The following MICU3 variants were observed in gnomAD, a reference collection of about 807,000 sequenced individuals.
MICU3 encodes mitochondrial calcium uptake 3.
MICU3 carries 62 observed loss-of-function variants against 66.5 expected under a neutral mutation model. The ratio of observed to expected loss-of-function variants is 0.93; its 90% CI spans 0.76 to 1.15. The LOEUF (loss-of-function observed/expected upper bound fraction) is 1.15, where lower values mean the gene tolerates loss of function less well. Among genes scored for constraint, MICU3 ranks in the 50% most tolerant of loss-of-function variants. The pLI is 0.00. For synonymous variants in MICU3, 308 were observed against 240.7 expected (o/e 1.28, Z -2.59); for missense variants, 779 against 664.4 (o/e 1.17, Z -1.90).
intron 1 of MICU3, among the ~76,000 whole-genome samples, chr8:17,033,104 C>T (rs1261426665): frequency 1.3e-5 from 2 of 152,148 alleles, no homozygotes; most frequent in African/African-American, 4.8e-5. Flanking sequence ...GTTACTAATC[C>T]TAGAATGGCC....
At chr8:17,046,382 T>G (rs576829986) in intron 1 of MICU3, among the ~76,000 whole-genome samples, 62 of 152,308 alleles carry the variant, frequency 4.1e-4, no homozygotes, top group South Asian at 3.9e-3. Flanking sequence ...GATTGTTGTG[T>G]TGGTCTGAGA....
rs747979584 is a variant in MICU3 at position 17,085,229 on chromosome 8, C to T, written c.695-7C>T. ...TTTGTGAATACCTTCTCTGTTTTTT[C>T]TGGCAGAGCCACATGCAGGGTTCAG... On this transcript the variant is annotated splice_region_variant and splice_polypyrimidine_tract_variant and intron_variant, in intron 5 of 14. Coordinates refer to ENST00000318063, the MANE Select transcript of MICU3 (RefSeq NM_181723.3). 1 of 1,586,842 alleles carries T rather than the reference C, an allele frequency of 6.3e-7. No individual in the cohort carries two copies. Among genetic ancestry groups the T allele is most frequent in the African/African-American group, 1.4e-5 (1 of 73,696 alleles).
At position 17,081,819 on chromosome 8, in the gene MICU3, C is replaced by T. The variant is rs778755220; in HGVS notation, c.694+79C>T. On this transcript the variant is annotated intron_variant, in intron 5 of 14. Coordinates refer to ENST00000318063, the MANE Select transcript of MICU3 (RefSeq NM_181723.3). ...TCTTGGAAAGCAGATCTTAGGTTCT[C>T]TTACTCTTGAAAATCAATATCCATG... 4.4e-6 allele frequency: 3 copies of T among 674,874 alleles called. No individual in the cohort carries two copies. In the African/African-American group the frequency reaches 5.5e-5, roughly 12 times the overall value. The allele number at this position is 674,874 out of a possible 1,614,324, so 41.8% of individuals were successfully genotyped here.
At chr8:17,091,301 C>G (rs1200068472) in intron 8 of MICU3, among the ~76,000 whole-genome samples, 1 of 152,038 alleles carries the variant, frequency 6.6e-6, no homozygotes, top group Non-Finnish European at 1.5e-5. Context: ...GAGAACAGGC[C>G]ATGGCCCTTT....
chr8:17,070,188 G>T (rs1819340338), intron 3 of MICU3, among the ~76,000 whole-genome samples: 1 of 151,828 alleles, frequency 6.6e-6, no homozygotes, highest in Non-Finnish European at 1.5e-5. Context: ...ATGCAGGAGA[G>T]GTTCACAAGA....
intron 8 of MICU3, among the ~76,000 whole-genome samples, chr8:17,092,478 T>G (rs1290801476): frequency 6.6e-6 from 1 of 151,996 alleles, no homozygotes; most frequent in Non-Finnish European, 1.5e-5. Context: ...GATTTTTACA[T>G]TTTATTGTAA....
In MICU3 at chr8:17,098,506, A is replaced by G. The variant is rs200222701; in HGVS notation, c.937A>G (p.Thr313Ala). 5.3e-5 allele frequency: 85 copies of G among 1,611,840 alleles called. No homozygotes were observed. The East Asian group carries it at 1.9e-3, about 35-fold the overall frequency. Reference protein sequence around the residue: ...EELVSRSYWDTLRRNTSQALF... With the variant: ...EELVSRSYWDALRRNTSQALF... ...ACTTGTCTCCAGAAGCTATTGGGAT[A>G]CACTGAGACGTAACACAAGCCAAGC... Residue 313 changes from threonine to alanine, a missense_variant, in exon 9 of 15, where the codon ACA (threonine) becomes GCA (alanine). Physicochemically the swap from Thr to Ala is moderately conservative, Grantham distance 58. Coordinates refer to ENST00000318063, the MANE Select transcript of MICU3 (RefSeq NM_181723.3).
intron 11 of MICU3, among the ~76,000 whole-genome samples, chr8:17,111,497 G>A (rs1280343610): frequency 6.6e-6 from 1 of 151,814 alleles, no homozygotes; most frequent in Non-Finnish European, 1.5e-5. Context: ...AATTTTGATA[G>A]TGTTCTTTAA....
intron 11 of MICU3, 52 bp downstream of exon 11, chr8:17,105,636 C>G: frequency 9.5e-7 from 1 of 1,052,480 alleles, no homozygotes; most frequent in South Asian, 2.0e-5. Context: ...CAATACGTGC[C>G]TCTAAAACAC....
At chr8:17,028,660 G>T (rs1256567736) in intron 1 of MICU3, among the ~76,000 whole-genome samples, 2 of 152,318 alleles carry the variant, frequency 1.3e-5, no homozygotes, top group Non-Finnish European at 2.9e-5. Flanking sequence ...TTTGGTGGAG[G>T]TTGTCAATGC....
intron 1 of MICU3, among the ~76,000 whole-genome samples, chr8:17,028,187 A>T (rs1001668057): frequency 6.6e-6 from 1 of 152,218 alleles, no homozygotes; most frequent in Admixed American, 6.5e-5. Flanking sequence ...GGGAATGTTG[A>T]TGTTACCAGG....
At chr8:17,076,898 G>A (rs1427975855) in intron 3 of MICU3, among the ~76,000 whole-genome samples, 1 of 152,176 alleles carries the variant, frequency 6.6e-6, no homozygotes, top group Non-Finnish European at 1.5e-5. Flanking sequence ...AGTGGGTTCT[G>A]TGTTTGTCTA....
intron 9 of MICU3, among the ~76,000 whole-genome samples, chr8:17,103,564 A>C (rs1422788604): frequency 1.3e-5 from 2 of 151,058 alleles, no homozygotes; most frequent in Non-Finnish European, 3.0e-5. Context: ...AAATGAGTTA[A>C]TGGCCAACTG....
chr8:17,031,886 T>C (rs191355827), intron 1 of MICU3, among the ~76,000 whole-genome samples: 2 of 152,322 alleles, frequency 1.3e-5, no homozygotes, highest in Admixed American at 1.3e-4. Context: ...GAAATATCTC[T>C]CTCTACTTTC....
At position 17,094,912 on chromosome 8, in the gene MICU3, G is replaced by C. The variant is rs368040053; in HGVS notation, c.889-3546G>C. Among the ~76,000 whole-genome samples, 82 of 151,972 alleles carry C rather than the reference G, an allele frequency of 5.4e-4. 2 individuals carry two copies. In the South Asian group the frequency reaches 0.016, roughly 30 times the overall value. On this transcript the variant is annotated intron_variant, in intron 8 of 14. Coordinates refer to ENST00000318063, the MANE Select transcript of MICU3 (RefSeq NM_181723.3). Reference sequence around the variant, plus strand: ...CTTAATTTCTCCTTAACAGTTTGCCGTATTTTTATCTTTTCATGCTGCATT... The same window carrying C: ...CTTAATTTCTCCTTAACAGTTTGCCCTATTTTTATCTTTTCATGCTGCATT...
chr8:17,127,822 C>T, the MICU3 span, among the ~76,000 whole-genome samples: 76 of 152,222 alleles, frequency 5.0e-4, no homozygotes, highest in African/African-American at 1.6e-3. Context: ...ATACAATGTA[C>T]ACTGAACCAT....
chr8:17,105,652 C>A, intron 11 of MICU3, 68 bp downstream of exon 11: 1 of 866,038 alleles, frequency 1.2e-6, no homozygotes. Flanking sequence ...AACACATTGC[C>A]CTTTTGTTAG....
chr8:17,077,272 C>T lies in MICU3; in HGVS notation c.568-511C>T, dbSNP rs570230658. Among the ~76,000 whole-genome samples, 6 of 152,306 alleles carry T rather than the reference C, an allele frequency of 3.9e-5. No homozygotes were observed. In the South Asian group the frequency reaches 6.2e-4, roughly 16 times the overall value. ...TCCATTGTTATCATTCTCTAAGTCA[C>T]TAACCGTTAAAATACTCTTCATTCC... On this transcript the variant is annotated intron_variant, in intron 3 of 14. Coordinates refer to ENST00000318063, the MANE Select transcript of MICU3 (RefSeq NM_181723.3).
intron 6 of MICU3, 137 bp from the exon 7 acceptor site, chr8:17,086,827 T>C: frequency 3.3e-6 from 2 of 613,272 alleles, no homozygotes; most frequent in Non-Finnish European, 5.8e-6. Context: ...AATCAGAAAA[T>C]AGATCTATAG....
Sources: gnomAD v4.1 joint callset for allele counts (sites outside exome capture counted in the v4.1 genomes callset) on GRCh38, gnomAD v4.1.1 for gene constraint, MANE v1.5 for transcripts, NCBI Gene and HGNC (gene_info 2026-07-23, HGNC 2026-07-21) for gene names.